Variants in FXN observed in about 807,000 individuals in gnomAD.
FXN encodes the protein frataxin, mitochondrial.
Under a neutral mutation model 22.4 loss-of-function variants are expected in FXN, and 14 were observed. That is an observed-to-expected ratio of 0.62 (90% confidence interval 0.41 to 0.98). FXN has a LOEUF of 0.98. Ranked by LOEUF, FXN falls within the 50% of genes least tolerant of loss-of-function variation. The probability of loss-of-function intolerance (pLI) is 0.00; values close to 1 mark genes in which losing one functional copy is unlikely to be tolerated. For synonymous variants in FXN, 120 were observed against 114.1 expected (o/e 1.05, Z -0.33); for missense variants, 267 against 268.4 (o/e 0.99, Z 0.04).
At chr9:69,050,833 C>G (rs1387696176) in intron 2 of FXN, among the ~76,000 whole-genome samples, 1 of 149,866 alleles carries the variant, frequency 6.7e-6, no homozygotes, top group African/African-American at 2.5e-5. Flanking sequence ...CAGGCTGGAG[C>G]GCAATGGCAC....
chr9:69,060,142 GC>G (rs1291778568), intron 3 of FXN, among the ~76,000 whole-genome samples: 1 of 152,178 alleles, frequency 6.6e-6, no homozygotes, highest in Admixed American at 6.5e-5. Context: ...GCCAAGGCGG[GC>G]GGATCACGAG....
chr9:69,058,828 G>A (rs1832011375), intron 3 of FXN, among the ~76,000 whole-genome samples: 2 of 152,136 alleles, frequency 1.3e-5, no homozygotes, highest in Admixed American at 6.6e-5. Context: ...CAGCACTTTG[G>A]GAGGCCGAGG....
intron 4 of FXN, 144 bp downstream of exon 4, chr9:69,065,179 T>A (rs958793946): frequency 2.8e-6 from 2 of 703,486 alleles, no homozygotes; most frequent in African/African-American, 3.5e-5. Flanking sequence ...GGTAGGAGGA[T>A]CACTTGAGGA....
intron 3 of FXN, among the ~76,000 whole-genome samples, chr9:69,059,343 C>A (rs1832021955): frequency 1.3e-5 from 2 of 150,058 alleles, no homozygotes. Context: ...CTGCAGCCCC[C>A]TGAGACCACT....
intron 3 of FXN, among the ~76,000 whole-genome samples, chr9:69,055,816 C>A (rs1049531096): frequency 2.6e-5 from 4 of 151,360 alleles, no homozygotes; most frequent in Non-Finnish European, 5.9e-5. Flanking sequence ...TGGTTTACTT[C>A]TATTGAACTG....
At chr9:69,071,303 GC>G in intron 4 of FXN, 9 of 518,936 alleles carry the variant, frequency 1.7e-5, no homozygotes, top group South Asian at 1.3e-4. Flanking sequence ...ACAGGTTCAA[GC>G]CCCAGCATTT....
rs1832356580 is a variant in FXN, at chr9:69,075,848, G to T, written c.*3086G>T. 1 of 539,018 alleles carries T rather than the reference G, an allele frequency of 1.9e-6. No homozygotes were observed. Among genetic ancestry groups the T allele is most frequent in the African/African-American group, 2.1e-5 (1 of 48,292 alleles). 33.4% of individuals were successfully genotyped at this position (539,018 alleles called of 1,614,324 possible). A position where few individuals can be genotyped will look rare whatever the true frequency, so the allele number is the denominator to read the frequency against. ...CTGGGCTTGGGCAATCCTCCCACAG[G>T]TGTGCACCTCCATAGCTGGCTAATT... On this transcript the variant is annotated 3_prime_UTR_variant, in exon 5 of 5. Coordinates refer to ENST00000484259, the MANE Select transcript of FXN (RefSeq NM_000144.5).
intron 3 of FXN, among the ~76,000 whole-genome samples, chr9:69,058,173 C>G (rs926250560): frequency 3.9e-5 from 6 of 152,168 alleles, no homozygotes; most frequent in African/African-American, 1.4e-4. Flanking sequence ...GGCTTCTTAA[C>G]TGGTGTGTCG....
In FXN at chr9:69,035,823, C is replaced by A. The variant is rs761236678; in HGVS notation, c.41C>A (p.Ala14Glu). The A allele has an allele frequency of 3.6e-5, 54 of 1,512,260 alleles. No homozygotes were observed. The East Asian group carries it at 8.3e-4, about 23-fold the overall frequency. The allele number at this position is 1,512,260 out of a possible 1,614,324, so 93.7% of individuals were successfully genotyped here. ...LGRRAVAGLL[A>E]SPSPAQAQTL... ...CGCCGCGCAGTAGCCGGCCTCCTGG[C>A]GTCACCCAGCCCAGCCCAGGCCCAG... Residue 14 changes from alanine (A) to glutamate (E), a missense_variant, in exon 1 of 5, where the codon GCG (alanine) becomes GAG (glutamate). Physicochemically the swap from Ala to Glu is moderately radical, Grantham distance 107. Transcript: ENST00000484259.
chr9:69,075,536 T>C lies in FXN; in HGVS notation c.*2774T>C. On this transcript the variant is annotated 3_prime_UTR_variant, in exon 5 of 5. Coordinates refer to ENST00000484259, the MANE Select transcript of FXN (RefSeq NM_000144.5). The stretch of plus-strand genomic sequence containing the variant: ...GGGGAAGAATCAAAATCATATTCTG[T>C]CAAGCAAACTGGAAAAGTACCACTG... The C allele has an allele frequency of 1.0e-6, 1 of 984,392 alleles. No homozygotes were observed. Among genetic ancestry groups the C allele is most frequent in the Non-Finnish European group, 1.2e-6 (1 of 829,480 alleles). 61.0% of individuals were successfully genotyped at this position (984,392 alleles called of 1,614,324 possible).
intron 2 of FXN, among the ~76,000 whole-genome samples, chr9:69,049,327 C>G (rs1205769273): frequency 6.6e-6 from 1 of 152,186 alleles, no homozygotes; most frequent in Non-Finnish European, 1.5e-5. Flanking sequence ...CCCTTTCTCT[C>G]CAGCTCACTC....
intron 2 of FXN, among the ~76,000 whole-genome samples, chr9:69,048,550 A>C (rs1472089651): frequency 6.6e-6 from 1 of 152,040 alleles, no homozygotes; most frequent in Non-Finnish European, 1.5e-5. Flanking sequence ...GGCTGCAGTG[A>C]GCTGAGATCA....
chr9:69,055,283 T>C (rs1252231751), intron 3 of FXN, among the ~76,000 whole-genome samples: 1 of 152,146 alleles, frequency 6.6e-6, no homozygotes, highest in East Asian at 1.9e-4. Context: ...CCCTAGCCTC[T>C]ACTAGAGCCT....
At chr9:69,045,215 T>C (rs1831726629) in intron 1 of FXN, among the ~76,000 whole-genome samples, 1 of 148,842 alleles carries the variant, frequency 6.7e-6, no homozygotes, top group Non-Finnish European at 1.5e-5. Flanking sequence ...GGCTAGCCTA[T>C]TGGAAAACAC....
intron 3 of FXN, among the ~76,000 whole-genome samples, chr9:69,054,811 A>G (rs551532566): frequency 1.1e-3 from 161 of 152,194 alleles, no homozygotes; most frequent in Non-Finnish European, 1.8e-3. Flanking sequence ...CTGGCTCCTC[A>G]AAGATGTTAA....
chr9:69,073,651 G>A lies in FXN; in HGVS notation c.*889G>A. 1.0e-6 allele frequency: 1 copy of A among 985,340 alleles called. No homozygotes were observed. The highest frequency in any genetic ancestry group is 1.2e-6 in the Non-Finnish European group (1 of 829,918). The allele number at this position is 985,340 out of a possible 1,614,324, so 61.0% of individuals were successfully genotyped here. ...GACATAGTTCAGCCACAAAGTAGTT[G>A]TCCCTTTGTGGACAAGTTTCCCAAA... On this transcript the variant is annotated 3_prime_UTR_variant, in exon 5 of 5. Transcript: ENST00000484259.
intron 4 of FXN, chr9:69,071,140 G>A (rs1437080277): frequency 1.9e-6 from 1 of 517,824 alleles, no homozygotes; most frequent in Non-Finnish European, 3.9e-6. Context: ...CAGTGTGGAG[G>A]GGTCTAGAGG....
chr9:69,052,537 A>ATTT (rs56938732), intron 2 of FXN, among the ~76,000 whole-genome samples: 3 of 63,252 alleles, frequency 4.7e-5, no homozygotes, highest in Admixed American at 2.0e-4. Flanking sequence ...TGCTGTTTAA[A>ATTT]TTTTTTTTTT....
intron 1 of FXN, among the ~76,000 whole-genome samples, chr9:69,045,737 T>G (rs911269627): frequency 3.9e-5 from 6 of 151,994 alleles, no homozygotes; most frequent in Admixed American, 1.3e-4. Flanking sequence ...GAAACTAGCT[T>G]GGGTGAGGGG....
Sources: gnomAD v4.1 joint callset for allele counts (sites outside exome capture counted in the v4.1 genomes callset) on GRCh38, gnomAD v4.1.1 for gene constraint, MANE v1.5 for transcripts, NCBI Gene and HGNC (gene_info 2026-07-23, HGNC 2026-07-21) for gene names.